GYPE: variants seen among roughly 807,000 people sequenced by gnomAD.
GYPE encodes the protein glycophorin-E.
A neutral mutation model predicts 11.6 loss-of-function variants in GYPE; 8 were observed. The ratio of observed to expected loss-of-function variants is 0.69; its 90% CI spans 0.41 to 1.25. The LOEUF (loss-of-function observed/expected upper bound fraction) is 1.25, where lower values mean the gene tolerates loss of function less well. Among genes scored for constraint, GYPE ranks in the 50% most tolerant of loss-of-function variants. The probability of loss-of-function intolerance (pLI) is 0.01; values close to 1 mark genes in which losing one functional copy is unlikely to be tolerated. For synonymous variants in GYPE, 28 were observed against 29.6 expected, an observed-to-expected ratio of 0.94 and a Z score of 0.18; for missense variants, 90 against 92.8, an observed-to-expected ratio of 0.97 and a Z score of 0.12.
At chr4:143,901,518 T>C (rs1004711605) in intron 1 of GYPE, among the ~76,000 whole-genome samples, 1 of 151,984 alleles carries the variant, frequency 6.6e-6, no homozygotes, top group Admixed American at 6.6e-5. Flanking sequence ...AGTTCATTTA[T>C]CACAGAAAAC....
chr4:143,890,052 C>A (rs1744344747), intron 1 of GYPE, among the ~76,000 whole-genome samples: 1 of 152,116 alleles, frequency 6.6e-6, no homozygotes, highest in Admixed American at 6.5e-5. Context: ...ATAATGCAAC[C>A]AATTCTCAAG....
intron 1 of GYPE, among the ~76,000 whole-genome samples, chr4:143,896,765 C>G (rs1442081058): frequency 2.0e-5 from 3 of 152,124 alleles, no homozygotes; most frequent in Non-Finnish European, 2.9e-5. Flanking sequence ...CCCAAATGTC[C>G]AACAATGATA....
chr4:143,875,377 G>C, intron 3 of GYPE: 1 of 1,246,776 alleles, frequency 8.0e-7, no homozygotes. Context: ...CAGGAGAACA[G>C]GGAGTTAGGA....
chr4:143,903,116 C>T (rs1899967), intron 1 of GYPE, among the ~76,000 whole-genome samples: 147,286 of 151,958 alleles, frequency 0.97, 71,563 homozygotes, highest in East Asian at 1. Context: ...CAGAAAATAA[C>T]TCCCTGCTAC....
At chr4:143,878,342 C>G (rs1446585160) in intron 2 of GYPE, among the ~76,000 whole-genome samples, 1 of 152,070 alleles carries the variant, frequency 6.6e-6, no homozygotes, top group Non-Finnish European at 1.5e-5. Flanking sequence ...TGCCATATTG[C>G]CCAGGCTGTT....
chr4:143,879,150 G>T (rs1743925247), intron 2 of GYPE, among the ~76,000 whole-genome samples: 2 of 152,022 alleles, frequency 1.3e-5, no homozygotes, highest in South Asian at 4.2e-4. Context: ...TGTCTCATTT[G>T]AGCTTTTGCC....
At chr4:143,905,201 G>A (rs752884507) in intron 1 of GYPE, among the ~76,000 whole-genome samples, 1 of 152,180 alleles carries the variant, frequency 6.6e-6, no homozygotes, top group Non-Finnish European at 1.5e-5. Context: ...CATAGCATTT[G>A]ATAAAATTAG....
rs926334652 is a variant in GYPE at position 143,871,043 on chromosome 4, T to C, written c.*1219A>G. The C allele has an allele frequency of 1.6e-4, 24 of 149,348 alleles. No individual in the cohort carries two copies. The highest frequency in any genetic ancestry group is 4.1e-4 in the African/African-American group (16 of 39,144). 9.3% of individuals were successfully genotyped at this position (149,348 alleles called of 1,614,324 possible). A position where few individuals can be genotyped will look rare whatever the true frequency, so the allele number is the denominator to read the frequency against. On this transcript the variant is annotated 3_prime_UTR_variant, in exon 4 of 4. Coordinates refer to ENST00000358615, the MANE Select transcript of GYPE (RefSeq NM_198682.3). ...GCTCCTTTATAAAACTATCAGATTA[T>C]GTGAGAATTTACTCACTATCATGAG...
intron 1 of GYPE, among the ~76,000 whole-genome samples, chr4:143,883,861 A>G (rs1175820657): frequency 1.3e-5 from 2 of 152,086 alleles, no homozygotes; most frequent in Non-Finnish European, 2.9e-5. Flanking sequence ...AAAAATACAC[A>G]AAACATAGTC....
intron 2 of GYPE, 79 bp from the exon 3 acceptor site, chr4:143,876,934 T>G: frequency 1.3e-6 from 1 of 777,124 alleles, no homozygotes. Flanking sequence ...TAAGATAACA[T>G]CAGCATAACA....
chr4:143,881,576 C>T (rs1744023827), intron 1 of GYPE, among the ~76,000 whole-genome samples: 1 of 152,120 alleles, frequency 6.6e-6, no homozygotes, highest in Non-Finnish European at 1.5e-5. Flanking sequence ...ATAATGTTTA[C>T]AAGTCTGACT....
intron 1 of GYPE, among the ~76,000 whole-genome samples, chr4:143,880,711 GC>G (rs1743992795): frequency 6.6e-6 from 1 of 152,194 alleles, no homozygotes; most frequent in Non-Finnish European, 1.5e-5. Flanking sequence ...GGGGCCAGAA[GC>G]CCCTCCAGAA....
intron 3 of GYPE, among the ~76,000 whole-genome samples, 177 bp downstream of exon 3, chr4:143,876,569 A>G (rs1350043897): frequency 6.6e-6 from 1 of 152,130 alleles, no homozygotes; most frequent in East Asian, 1.9e-4. Flanking sequence ...TTAATTGGGC[A>G]AATGCAAAAA....
intron 2 of GYPE, among the ~76,000 whole-genome samples, chr4:143,879,098 A>T (rs1372968693): frequency 6.6e-6 from 1 of 152,180 alleles, no homozygotes; most frequent in Middle Eastern, 3.2e-3. Flanking sequence ...TCAATTTTCC[A>T]GATGTATGCC....
At chr4:143,877,585 G>C (rs1215975556) in intron 2 of GYPE, among the ~76,000 whole-genome samples, 1 of 152,158 alleles carries the variant, frequency 6.6e-6, no homozygotes, top group Non-Finnish European at 1.5e-5. Flanking sequence ...TGGAAGGCTA[G>C]ACATAAAGGT....
At chr4:143,886,016 CT>C (rs1282587954) in intron 1 of GYPE, among the ~76,000 whole-genome samples, 4 of 51,466 alleles carry the variant, frequency 7.8e-5, no homozygotes, top group African/African-American at 1.7e-4. Context: ...ATAAAATGAC[CT>C]TTTTCATAGT....
intron 3 of GYPE, among the ~76,000 whole-genome samples, chr4:143,874,241 A>G (rs1031816073): frequency 2.0e-5 from 3 of 152,156 alleles, no homozygotes; most frequent in African/African-American, 7.2e-5. Flanking sequence ...AAAATTAGCT[A>G]TAATCCCACC....
chr4:143,875,864 C>A (rs1405954847), intron 3 of GYPE, among the ~76,000 whole-genome samples: 1 of 151,884 alleles, frequency 6.6e-6, no homozygotes. Flanking sequence ...GTCCCAACTA[C>A]TGTGGAGGCT....
intron 1 of GYPE, among the ~76,000 whole-genome samples, chr4:143,891,777 C>T (rs575894196): frequency 6.6e-6 from 1 of 152,232 alleles, no homozygotes; most frequent in East Asian, 1.9e-4. Flanking sequence ...ACCCAATCAA[C>T]AGTGCTACAG....
Sources: gnomAD v4.1 joint callset for allele counts (sites outside exome capture counted in the v4.1 genomes callset) on GRCh38, gnomAD v4.1.1 for gene constraint, MANE v1.5 for transcripts, NCBI Gene and HGNC (gene_info 2026-07-23, HGNC 2026-07-21) for gene names.